The following LRTM2 variants were observed in gnomAD, a reference collection of about 807,000 sequenced individuals.
The protein encoded by LRTM2 is leucine rich repeat transmembrane protein 2.
Under a neutral mutation model 28.1 loss-of-function variants are expected in LRTM2, and 18 were observed. The observed-to-expected ratio is 0.64, with a 90% CI of 0.44 to 0.95. LRTM2 has a LOEUF of 0.95. LRTM2 is among the 40% of genes least tolerant of loss of function. LRTM2 has a pLI of 0.00. For missense variants in LRTM2, 436 were observed against 497.2 expected, an observed-to-expected ratio of 0.88 and a Z score of 1.17; for synonymous variants, 250 against 218.7, an observed-to-expected ratio of 1.14 and a Z score of -1.26.
At chr12:1,830,477 C>G (rs1322001363) in intron 3 of LRTM2, among the ~76,000 whole-genome samples, 2 of 152,232 alleles carry the variant, frequency 1.3e-5, no homozygotes, top group South Asian at 2.1e-4. Context: ...GAAACAAACT[C>G]TGTCCCAGCA....
chr12:1,831,383 C>T lies in LRTM2; in HGVS notation c.516C>T (p.Arg172=), dbSNP rs532664835. 3.1e-6 allele frequency: 5 copies of T among 1,613,976 alleles called. No homozygotes were observed. The highest frequency in any genetic ancestry group is 1.7e-5 in the Admixed American group (1 of 60,010). Residue 172 remains arginine (R), a synonymous_variant, in exon 4 of 5, where the codon CGC becomes CGT. Coordinates refer to ENST00000299194, the MANE Select transcript of LRTM2 (RefSeq NM_001039029.3). ...TGGCTCTGCGCTCCCTCTCGCTTCG[C>T]TCCAACCGTCTGCAGAATCTGGACC... ...GLLALRSLSL[R]SNRLQNLDRL... is the part of the protein sequence containing the mutation.
rs1285144596 is a variant in LRTM2, at chr12:1,828,034, G to A, written c.-73-42G>A. ...TCCCTAACCCCTGGGCTGGAACGGG[G>A]CTCCCGCGCCTGCCTGTGCTCAGTG... On this transcript the variant is annotated intron_variant, in intron 2 of 4. Coordinates refer to ENST00000299194, the MANE Select transcript of LRTM2 (RefSeq NM_001039029.3). The surrounding 1 kb of genome is among the most constrained non-coding windows in gnomAD (Gnocchi z 4.2). 2.1e-6 allele frequency: 2 copies of A among 962,044 alleles called. No homozygotes were observed. Among genetic ancestry groups the A allele is most frequent in the South Asian group, 2.1e-5 (1 of 48,774 alleles). The allele number at this position is 962,044 out of a possible 1,614,324, so 59.6% of individuals were successfully genotyped here. A position where few individuals can be genotyped will look rare whatever the true frequency, so the allele number is the denominator to read the frequency against.
chr12:1,828,116 A>G lies in LRTM2; in HGVS notation c.-33A>G, dbSNP rs1293198711. On this transcript the variant is annotated 5_prime_UTR_variant, in exon 3 of 5. Transcript: ENST00000299194. The surrounding 1 kb of genome is among the most constrained non-coding windows in gnomAD (Gnocchi z 4.2). ...CACCCAGGGGCTCCTCTCTCCCCAG[A>G]GCGACAGGGCCCGGAGAGCCGTGGG... 7.3e-6 allele frequency: 11 copies of G among 1,504,128 alleles called. No homozygotes were observed. The allele number at this position is 1,504,128 out of a possible 1,614,324, so 93.2% of individuals were successfully genotyped here.
Position 1,830,951 on chromosome 12 carries a change from C to A in LRTM2, c.84C>A (p.Ile28=). The A allele has an allele frequency of 6.2e-7, 1 of 1,601,990 alleles. No individual in the cohort carries two copies. The highest frequency in any genetic ancestry group is 8.5e-7 in the Non-Finnish European group (1 of 1,170,994). ...CCCACCAAGGGATCACCTGCTGGAT[C>A]GCCCTGTATGCTGTGGAGGCCCTCC... is the stretch of plus-strand genomic sequence containing the variant. The part of the protein sequence containing the change: ...WRQVSWITCW[I]ALYAVEALPT... The change falls in exon 4 of 5, where the codon ATC becomes ATA. Residue 28 remains isoleucine, a synonymous_variant. Coordinates refer to ENST00000299194, the MANE Select transcript of LRTM2 (RefSeq NM_001039029.3).
Position 1,828,801 on chromosome 12 carries a change from C to A in LRTM2, c.67+586C>A, listed in dbSNP as rs1260617500. The stretch of plus-strand genomic sequence containing the variant: ...CCCTCCTGCATATAGGCAGACTGAG[C>A]CGTCCATTTACCAAAAAGGGGAGGA... On this transcript the variant is annotated intron_variant, in intron 3 of 4. Transcript: ENST00000299194. This position sits in a 1 kb window ranked among gnomAD's most constrained non-coding sequence, Gnocchi z 4.2. 6.6e-6 allele frequency among the ~76,000 whole-genome samples: 1 copy of A among 152,284 alleles called. No individual in the cohort carries two copies. The highest frequency in any genetic ancestry group is 2.4e-5 in the African/African-American group (1 of 41,562).
In LRTM2 at chr12:1,828,813, C is replaced by CA. The variant is rs2154446950; in HGVS notation, c.67+603dup. On this transcript the variant is annotated intron_variant, in intron 3 of 4. Coordinates refer to ENST00000299194, the MANE Select transcript of LRTM2 (RefSeq NM_001039029.3). This position sits in a 1 kb window ranked among gnomAD's most constrained non-coding sequence, Gnocchi z 4.2. ...TAGGCAGACTGAGCCGTCCATTTAC[C>CA]AAAAAGGGGAGGAAGCGTGAATGAA... 6.6e-6 allele frequency among the ~76,000 whole-genome samples: 1 copy of CA among 152,266 alleles called. No homozygotes were observed. The highest frequency in any genetic ancestry group is 6.5e-5 in the Admixed American group (1 of 15,296).
Position 1,828,085 on chromosome 12 carries a change from G to A in LRTM2, c.-64G>A. The A allele has an allele frequency of 1.9e-5, 27 of 1,432,606 alleles. No homozygotes were observed. Among genetic ancestry groups the A allele is most frequent in the Non-Finnish European group, 2.5e-5 (27 of 1,080,576 alleles). The allele number at this position is 1,432,606 out of a possible 1,614,324, so 88.7% of individuals were successfully genotyped here. A position where few individuals can be genotyped will look rare whatever the true frequency, so the allele number is the denominator to read the frequency against. On this transcript the variant is annotated 5_prime_UTR_variant, in exon 3 of 5. Coordinates refer to ENST00000299194, the MANE Select transcript of LRTM2 (RefSeq NM_001039029.3). The surrounding 1 kb of genome is among the most constrained non-coding windows in gnomAD (Gnocchi z 4.2). ...CTCCTCCCTCCCTCAGGACTGACAGGCGGCGCACCCAGGGGCTCCTCTCTC... is the reference window on the plus strand; with the variant it reads ...CTCCTCCCTCCCTCAGGACTGACAGACGGCGCACCCAGGGGCTCCTCTCTC...
chr12:1,822,167 C>T (rs1054054693), intron 1 of LRTM2: 1 of 152,164 alleles, frequency 6.6e-6, no homozygotes, highest in Admixed American at 6.5e-5. Flanking sequence ...GCTTAAGCAG[C>T]CGATCTGGTG....
In LRTM2 at chr12:1,828,338, C is replaced by T. The variant is rs1864451407; in HGVS notation, c.67+123C>T. ...TGCAGGGAGGCCTACGCCAGATCTT[C>T]CTGGGGTACCCGAGGCTATGTTCTG... On this transcript the variant is annotated intron_variant, in intron 3 of 4. Coordinates refer to ENST00000299194, the MANE Select transcript of LRTM2 (RefSeq NM_001039029.3). This position sits in a 1 kb window ranked among gnomAD's most constrained non-coding sequence, Gnocchi z 4.2. 2 of 848,190 alleles carry T rather than the reference C, an allele frequency of 2.4e-6. No homozygotes were observed. Among genetic ancestry groups the T allele is most frequent in the Middle Eastern group, 2.6e-4 (1 of 3,810 alleles). 52.5% of individuals were successfully genotyped at this position (848,190 alleles called of 1,614,324 possible). A position where few individuals can be genotyped will look rare whatever the true frequency, so the allele number is the denominator to read the frequency against.
At position 1,829,974 on chromosome 12, in the gene LRTM2, C is replaced by T. The variant is rs147767970; in HGVS notation, c.68-961C>T. On this transcript the variant is annotated intron_variant, in intron 3 of 4. Transcript: ENST00000299194. This position sits in a 1 kb window ranked among gnomAD's most constrained non-coding sequence, Gnocchi z 4.2. ...CTGCTGCATAATGGAAGGCACTGCT[C>T]TGATGTGATTGTTCCCTGAGGGTTA... Among the ~76,000 whole-genome samples the T allele has an allele frequency of 6.6e-6, 1 of 152,306 alleles. No individual in the cohort carries two copies. Among genetic ancestry groups the T allele is most frequent in the Non-Finnish European group, 1.5e-5 (1 of 68,018 alleles).
intron 1 of LRTM2, among the ~76,000 whole-genome samples, chr12:1,826,408 C>G (rs898779687): frequency 1.7e-5 from 1 of 60,040 alleles, no homozygotes; most frequent in Non-Finnish European, 4.5e-5. Flanking sequence ...GAGCCCCCCC[C>G]CCCCCCCCGC....
intron 4 of LRTM2, among the ~76,000 whole-genome samples, chr12:1,831,948 C>T (rs1476138477): frequency 6.6e-6 from 1 of 152,180 alleles, no homozygotes; most frequent in Admixed American, 6.5e-5. Context: ...CTGAAGAATA[C>T]AGCCATCTCT....
rs1864476260 is a variant in LRTM2 at position 1,828,676 on chromosome 12, T to C, written c.67+461T>C. On this transcript the variant is annotated intron_variant, in intron 3 of 4. Coordinates refer to ENST00000299194, the MANE Select transcript of LRTM2 (RefSeq NM_001039029.3). The surrounding 1 kb of genome is among the most constrained non-coding windows in gnomAD (Gnocchi z 4.2). Reference sequence around the variant, plus strand: ...GGAGCTGGGTCAGCTTGGAGATGTCTCTTATGCTCCTTATGCCTCCGCTTT... The same window carrying C: ...GGAGCTGGGTCAGCTTGGAGATGTCCCTTATGCTCCTTATGCCTCCGCTTT... Among the ~76,000 whole-genome samples the C allele has an allele frequency of 6.6e-6, 1 of 152,138 alleles. No homozygotes were observed. Among genetic ancestry groups the C allele is most frequent in the South Asian group, 2.1e-4 (1 of 4,810 alleles).
Position 1,829,401 on chromosome 12 carries a change from G to A in LRTM2, c.67+1186G>A, listed in dbSNP as rs193149828. Among the ~76,000 whole-genome samples the A allele has an allele frequency of 2.0e-5, 3 of 152,196 alleles. No homozygotes were observed. The East Asian group carries it at 5.8e-4, about 30-fold the overall frequency. On this transcript the variant is annotated intron_variant, in intron 3 of 4. Transcript: ENST00000299194. This position sits in a 1 kb window ranked among gnomAD's most constrained non-coding sequence, Gnocchi z 4.2. ...GCAGACGGGCTCAGAGGGGTGAGAG[G>A]GTGAGCGGAGACATGAGGTAACCCA...
chr12:1,827,995 A>G (rs1272923282), intron 2 of LRTM2, 81 bp from the exon 3 acceptor site: 6 of 530,234 alleles, frequency 1.1e-5, no homozygotes, highest in African/African-American at 7.9e-5. Flanking sequence ...GTGTAAAGAG[A>G]CACCCGGGCC....
At position 1,829,226 on chromosome 12, in the gene LRTM2, C is replaced by G. The variant is rs760751185; in HGVS notation, c.67+1011C>G. Among the ~76,000 whole-genome samples the G allele has an allele frequency of 6.6e-6, 1 of 152,206 alleles. No individual in the cohort carries two copies. The highest frequency in any genetic ancestry group is 1.5e-5 in the Non-Finnish European group (1 of 68,040). ...TCTCTTAGCCTGCTGTCAGGCCCTTCTCTGGGAGGGGCGAGCGGCTTCTGG... is the reference window on the plus strand; with the variant it reads ...TCTCTTAGCCTGCTGTCAGGCCCTTGTCTGGGAGGGGCGAGCGGCTTCTGG... On this transcript the variant is annotated intron_variant, in intron 3 of 4. Coordinates refer to ENST00000299194, the MANE Select transcript of LRTM2 (RefSeq NM_001039029.3). The surrounding 1 kb of genome is among the most constrained non-coding windows in gnomAD (Gnocchi z 4.2).
Position 1,828,081 on chromosome 12 carries a change from A to G in LRTM2, c.-68A>G. The G allele has an allele frequency of 7.0e-7, 1 of 1,418,692 alleles. No individual in the cohort carries two copies. Among genetic ancestry groups the G allele is most frequent in the Non-Finnish European group, 9.3e-7 (1 of 1,070,864 alleles). The allele number at this position is 1,418,692 out of a possible 1,614,324, so 87.9% of individuals were successfully genotyped here. ...AGTGCTCCTCCCTCCCTCAGGACTG[A>G]CAGGCGGCGCACCCAGGGGCTCCTC... On this transcript the variant is annotated 5_prime_UTR_variant, in exon 3 of 5. The change abolishes the stop of an existing upstream ORF in the 5' untranslated region. Transcript: ENST00000299194. The surrounding 1 kb of genome is among the most constrained non-coding windows in gnomAD (Gnocchi z 4.2).
intron 1 of LRTM2, 74 bp from the exon 2 acceptor site, chr12:1,827,336 C>T (rs1391383545): frequency 6.5e-6 from 1 of 152,846 alleles, no homozygotes; most frequent in Non-Finnish European, 1.5e-5. Context: ...GAAGCCTGCT[C>T]CTGCGCCCTG....
At chr12:1,832,382 C>T (rs1170324127) in intron 4 of LRTM2, among the ~76,000 whole-genome samples, 1 of 152,178 alleles carries the variant, frequency 6.6e-6, no homozygotes, top group East Asian at 1.9e-4. Flanking sequence ...TTGAGAGGTG[C>T]CCAGCACAAA....
Sources: gnomAD v4.1 joint callset for allele counts (sites outside exome capture counted in the v4.1 genomes callset) on GRCh38, gnomAD v4.1.1 for gene constraint, Gnocchi (gnomAD v3.1) non-coding constraint, MANE v1.5 for transcripts, NCBI Gene and HGNC (gene_info 2026-07-23, HGNC 2026-07-21) for gene names.